TRIM49C: variants seen among roughly 807,000 people sequenced by gnomAD.
TRIM49C encodes tripartite motif containing 49C, also known as tripartite motif-containing protein 49C.
TRIM49C carries 6 observed loss-of-function variants against 21.4 expected under a neutral mutation model. The ratio of observed to expected loss-of-function variants is 0.28; its 90% CI spans 0.15 to 0.55. The LOEUF is 0.55. Among genes scored for constraint, TRIM49C ranks in the 20% least tolerant of loss-of-function variants. The probability of loss-of-function intolerance (pLI) is 0.94; values close to 1 mark genes in which losing one functional copy is unlikely to be tolerated. For missense variants in TRIM49C, 161 were observed against 442.4 expected (o/e 0.36, Z 5.71); for synonymous variants, 57 against 148.1 (o/e 0.38, Z 4.47).
chr11:90,066,916 T>A, the TRIM49C span, among the ~76,000 whole-genome samples: 3 of 138,508 alleles, frequency 2.2e-5, 1 homozygote, highest in Admixed American at 2.5e-4. Flanking sequence ...TACAGGTGTC[T>A]GTCACCGTGA....
chr11:90,040,057 C>A (rs1950758855), intron 7 of TRIM49C, 95 bp downstream of exon 7: 1 of 378,276 alleles, frequency 2.6e-6, no homozygotes, highest in Non-Finnish European at 4.2e-6. Context: ...AAATATTTTA[C>A]TTCTTTTAAG....
rs1401872667 is a variant in TRIM49C, at chr11:90,041,384, T to A, written c.1193T>A (p.Met398Lys). The A allele has an allele frequency of 1.3e-6, 2 of 1,587,654 alleles. No homozygotes were observed. The highest frequency in any genetic ancestry group is 2.8e-5 in the African/African-American group (2 of 71,956). ...QCSLFTTSPL[M>K]LQYIPKPTSR... ...AGTCTCTTTACCACCTCCCCACTTA[T>A]GCTGCAATATATCCCAAAACCTACC... Residue 398 changes from methionine to lysine, a missense_variant, in exon 8 of 8, where the codon ATG becomes AAG. Physicochemically the swap from Met to Lys is moderately conservative, Grantham distance 95 (BLOSUM62 -1). Transcript: ENST00000448984.
the TRIM49C span, among the ~76,000 whole-genome samples, chr11:90,068,252 A>AT: frequency 1.0e-5 from 1 of 98,470 alleles, no homozygotes; most frequent in African/African-American, 3.9e-5. Flanking sequence ...AAAAGGTAGC[A>AT]TAGGGTAGTT....
chr11:90,048,536 C>T, the TRIM49C span, among the ~76,000 whole-genome samples: 1 of 126,732 alleles, frequency 7.9e-6, no homozygotes, highest in African/African-American at 3.2e-5. Flanking sequence ...TCACTGATAC[C>T]CTTTCTTCCA....
At chr11:90,069,936 T>C in the TRIM49C span, among the ~76,000 whole-genome samples, 3 of 124,764 alleles carry the variant, frequency 2.4e-5, no homozygotes, top group African/African-American at 9.7e-5. Context: ...CCTATTGACC[T>C]CGACGGCATC....
the TRIM49C span, among the ~76,000 whole-genome samples, chr11:90,063,206 G>T: frequency 1.6e-5 from 2 of 122,928 alleles, no homozygotes; most frequent in South Asian, 3.0e-4. Flanking sequence ...AGCCATTGAA[G>T]ATTTGGTTCA....
the TRIM49C span, chr11:90,053,485 C>T: frequency 6.4e-6 from 1 of 156,138 alleles, no homozygotes; most frequent in African/African-American, 2.4e-5. Flanking sequence ...GCCTCTGCCC[C>T]GCGCCTCCAG....
chr11:90,071,065 G>T, the TRIM49C span: 1 of 476,870 alleles, frequency 2.1e-6, no homozygotes, highest in South Asian at 1.6e-5. Flanking sequence ...CAAAGTGGTG[G>T]GATTACAGGT....
intron 6 of TRIM49C, among the ~76,000 whole-genome samples, chr11:90,038,946 G>T (rs1449264516): frequency 7.3e-6 from 1 of 137,212 alleles, no homozygotes; most frequent in Admixed American, 8.3e-5. Flanking sequence ...TTGAGACGCT[G>T]TCTGGCTCTG....
chr11:90,065,560 T>G, the TRIM49C span, among the ~76,000 whole-genome samples: 6,411 of 139,448 alleles, frequency 0.046, 1,066 homozygotes, highest in African/African-American at 0.16. Flanking sequence ...ATTGGCTGAT[T>G]AGGTTTATAA....
downstream of TRIM49C, among the ~76,000 whole-genome samples, chr11:90,046,214 C>T (rs1445930407): frequency 7.9e-6 from 1 of 125,790 alleles, no homozygotes; most frequent in Non-Finnish European, 1.6e-5. Flanking sequence ...CATCGATGTT[C>T]ATCAGGGATA....
chr11:90,039,511 A>G, intron 6 of TRIM49C, among the ~76,000 whole-genome samples: 1 of 132,158 alleles, frequency 7.6e-6, no homozygotes, highest in Non-Finnish European at 1.6e-5. Flanking sequence ...GAAGCAGTGG[A>G]TGCATCAGTC....
At chr11:90,064,264 T>C in the TRIM49C span, among the ~76,000 whole-genome samples, 105 of 151,266 alleles carry the variant, frequency 6.9e-4, no homozygotes, top group African/African-American at 2.4e-3. Context: ...ATTTTTAATT[T>C]AGGAAAGTTT....
At chr11:90,060,421 A>G in the TRIM49C span, among the ~76,000 whole-genome samples, 1 of 152,268 alleles carries the variant, frequency 6.6e-6, no homozygotes, top group Non-Finnish European at 1.5e-5. Flanking sequence ...TGTTAATAAC[A>G]GAACCTCAAC....
At chr11:90,069,914 G>A in the TRIM49C span, among the ~76,000 whole-genome samples, 1 of 116,148 alleles carries the variant, frequency 8.6e-6, no homozygotes, top group East Asian at 2.5e-4. Context: ...TCAGAGGAGG[G>A]GAGAATGTCT....
chr11:90,063,226 G>T, the TRIM49C span, among the ~76,000 whole-genome samples: 2 of 124,206 alleles, frequency 1.6e-5, no homozygotes, highest in Non-Finnish European at 1.6e-5. Context: ...AGGACTCCCT[G>T]ACATACCAAG....
chr11:90,036,593 C>T (rs1341577196), intron 4 of TRIM49C, among the ~76,000 whole-genome samples: 2 of 134,726 alleles, frequency 1.5e-5, no homozygotes, highest in African/African-American at 2.6e-5. Context: ...ATAAGGAGAA[C>T]TCTGAGGACT....
chr11:90,069,048 A>G, the TRIM49C span, among the ~76,000 whole-genome samples: 1 of 132,580 alleles, frequency 7.5e-6, no homozygotes, highest in Non-Finnish European at 1.6e-5. Context: ...AAAATACAGC[A>G]GGAAAGGAAA....
chr11:90,065,882 G>C, the TRIM49C span, among the ~76,000 whole-genome samples: 6 of 135,178 alleles, frequency 4.4e-5, no homozygotes, highest in Non-Finnish European at 9.5e-5. Flanking sequence ...CTTGAACCTG[G>C]GAGGCAGAGG....
Sources: gnomAD v4.1 joint callset for allele counts (sites outside exome capture counted in the v4.1 genomes callset) on GRCh38, gnomAD v4.1.1 for gene constraint, MANE v1.5 for transcripts, NCBI Gene and HGNC (gene_info 2026-07-23, HGNC 2026-07-21) for gene names.